CAMTA1: variants seen among roughly 807,000 people sequenced by gnomAD.
CAMTA1 encodes the protein calmodulin binding transcription activator 1, also known as calmodulin-binding transcription activator 1.
CAMTA1 carries 27 observed loss-of-function variants against 170.9 expected under a neutral mutation model. The ratio of observed to expected loss-of-function variants is 0.16; its 90% CI spans 0.12 to 0.22. The LOEUF is 0.22. CAMTA1 is among the 10% of genes least tolerant of loss of function. The pLI, the probability that CAMTA1 is intolerant of heterozygous loss-of-function variation, is 1.00. For synonymous variants in CAMTA1, 833 were observed against 891.5 expected, an observed-to-expected ratio of 0.93 and a Z score of 1.17; for missense variants, 1,619 against 2,217.2, an observed-to-expected ratio of 0.73 and a Z score of 5.42.
At chr1:7,566,703 C>T (rs1008315600) in intron 6 of CAMTA1, among the ~76,000 whole-genome samples, 1 of 152,226 alleles carries the variant, frequency 6.6e-6, no homozygotes, top group Admixed American at 6.5e-5. Context: ...GGCTGTGTCA[C>T]ACTTAGAAGG....
chr1:7,301,778 G>A (rs1367988721), intron 5 of CAMTA1, among the ~76,000 whole-genome samples: 1 of 152,210 alleles, frequency 6.6e-6, no homozygotes, highest in Non-Finnish European at 1.5e-5. Flanking sequence ...CACTTCTCGA[G>A]GGCAGCCTGG....
At chr1:7,026,926 C>A (rs560498025) in intron 3 of CAMTA1, among the ~76,000 whole-genome samples, 1 of 152,274 alleles carries the variant, frequency 6.6e-6, no homozygotes, top group South Asian at 2.1e-4. Context: ...CTGTGTCCGG[C>A]CAGTAGCTGT....
At position 7,664,169 on chromosome 1, in the gene CAMTA1, A is replaced by T; in HGVS notation, c.1622A>T (p.Gln541Leu). Reference sequence around the variant, plus strand: ...AAGACCGAGGACACCTCCTTCGAGCAGCAGATGGCCAAAGAAGCGTACTCC... The same window carrying T: ...AAGACCGAGGACACCTCCTTCGAGCTGCAGATGGCCAAAGAAGCGTACTCC... ...EIKTEDTSFE[Q>L]QMAKEAYSSS... Residue 541 changes from glutamine (Q) to leucine (L), a missense_variant, in exon 9 of 23, where the codon CAG (glutamine) becomes CTG (leucine). By Grantham distance (113) the Gln-to-Leu change is moderately radical (BLOSUM62 -2). Transcript: ENST00000303635. 1 of 1,612,968 alleles carries T rather than the reference A, an allele frequency of 6.2e-7. No homozygotes were observed. Among genetic ancestry groups the T allele is most frequent in the Non-Finnish European group, 8.5e-7 (1 of 1,180,038 alleles).
At chr1:7,645,571 G>C (rs1485994697) in intron 7 of CAMTA1, among the ~76,000 whole-genome samples, 1 of 152,274 alleles carries the variant, frequency 6.6e-6, no homozygotes, top group Non-Finnish European at 1.5e-5. Flanking sequence ...TGGCTGGCCA[G>C]ATGGCCCTGC....
chr1:6,814,814 A>G (rs1645596389), intron 1 of CAMTA1, among the ~76,000 whole-genome samples: 1 of 152,176 alleles, frequency 6.6e-6, no homozygotes, highest in African/African-American at 2.4e-5. Context: ...AGAACGGTAA[A>G]TACACTTTTC....
At chr1:6,871,907 C>T in intron 3 of CAMTA1, 1 of 1,370,538 alleles carries the variant, frequency 7.3e-7, no homozygotes, top group South Asian at 1.8e-5. Flanking sequence ...AACATTTCAT[C>T]TTTCAAAGTG....
intron 3 of CAMTA1, among the ~76,000 whole-genome samples, chr1:7,028,973 T>G (rs1403709897): frequency 6.6e-6 from 1 of 152,104 alleles, no homozygotes; most frequent in Non-Finnish European, 1.5e-5. Context: ...AAGTGGAAAG[T>G]GTTATTGATT....
chr1:7,511,097 G>T lies in CAMTA1; in HGVS notation c.510+43196G>T, dbSNP rs2094196507. ...GCCAGAAACTCAGCACCTGCTACTG[G>T]GTGTCAGCCGAGCCTCCTGGAAGGC... On this transcript the variant is annotated intron_variant, in intron 6 of 22. Coordinates refer to ENST00000303635, the MANE Select transcript of CAMTA1 (RefSeq NM_015215.4). Among the ~76,000 whole-genome samples the T allele has an allele frequency of 1.4e-5, 2 of 145,554 alleles. 1 individual carries two copies. Among genetic ancestry groups the T allele is most frequent in the Admixed American group, 1.4e-4 (2 of 14,548 alleles).
At chr1:7,449,788 A>G (rs1013330174) in intron 5 of CAMTA1, among the ~76,000 whole-genome samples, 1 of 144,114 alleles carries the variant, frequency 6.9e-6, no homozygotes, top group Non-Finnish European at 1.5e-5. Context: ...AAAAAAAAAA[A>G]GAAAGAAAGA....
intron 4 of CAMTA1, among the ~76,000 whole-genome samples, chr1:7,158,467 A>G (rs1159505248): frequency 1.3e-5 from 2 of 152,222 alleles, no homozygotes; most frequent in African/African-American, 4.8e-5. Context: ...GATGTGTCCC[A>G]TGATGCATTT....
chr1:7,715,631 T>C lies in CAMTA1; in HGVS notation c.2915-16817T>C, dbSNP rs76130054. ...TTCACAGAAAGCACCCTTAAGTGTT[T>C]TGCTTTTTTACGTAATCCAAGGGAT... On this transcript the variant is annotated intron_variant, in intron 11 of 22. Coordinates refer to ENST00000303635, the MANE Select transcript of CAMTA1 (RefSeq NM_015215.4). Among the ~76,000 whole-genome samples the C allele has an allele frequency of 1.6e-3, 247 of 152,298 alleles. 1 individual carries two copies. The highest frequency in any genetic ancestry group is 1.5e-3 in the East Asian group (8 of 5,174).
chr1:7,760,719 A>C (rs1003807454), intron 22 of CAMTA1, among the ~76,000 whole-genome samples: 19 of 152,198 alleles, frequency 1.2e-4, no homozygotes, highest in African/African-American at 4.6e-4. Flanking sequence ...AGATTTCTGG[A>C]AAATGGCAAG....
chr1:7,032,961 T>C (rs1703009045), intron 3 of CAMTA1, among the ~76,000 whole-genome samples: 1 of 151,330 alleles, frequency 6.6e-6, no homozygotes, highest in African/African-American at 2.4e-5. Context: ...AATGCATCCA[T>C]TTCCTGTGGC....
intron 3 of CAMTA1, among the ~76,000 whole-genome samples, chr1:6,983,799 TGATG>T (rs903373458): frequency 1.1e-3 from 156 of 147,500 alleles, no homozygotes; most frequent in Non-Finnish European, 1.8e-3. Flanking sequence ...GATAGATGGT[TGATG>T]GATGGATGGA....
At position 6,918,060 on chromosome 1, in the gene CAMTA1, T is replaced by A. The variant is rs1008073212; in HGVS notation, c.234+92850T>A. ...TCTAGAAGGCCCCAAATGCCCAAGT[T>A]CTTGGGCCTTGCTTGCTTGTCTCTA... On this transcript the variant is annotated intron_variant, in intron 3 of 22. Coordinates refer to ENST00000303635, the MANE Select transcript of CAMTA1 (RefSeq NM_015215.4). The surrounding 1 kb of genome is among the most constrained non-coding windows in gnomAD (Gnocchi z 4.0). Among the ~76,000 whole-genome samples the A allele has an allele frequency of 1.3e-5, 2 of 152,080 alleles. No individual in the cohort carries two copies. The highest frequency in any genetic ancestry group is 4.8e-5 in the African/African-American group (2 of 41,386).
At chr1:7,444,838 G>C (rs987334934) in intron 5 of CAMTA1, among the ~76,000 whole-genome samples, 2 of 152,212 alleles carry the variant, frequency 1.3e-5, no homozygotes, top group African/African-American at 4.8e-5. Context: ...AAGACATACA[G>C]GTTCAAAGAC....
intron 9 of CAMTA1, among the ~76,000 whole-genome samples, chr1:7,666,872 G>GTTGTTTTGTT (rs199791433): frequency 1.3e-3 from 193 of 151,726 alleles, no homozygotes; most frequent in Middle Eastern, 3.4e-3. Context: ...CCCTGCTGTT[G>GTTGTTTTGTT]TTGTTTTGTT....
At chr1:7,414,190 T>A (rs1255960834) in intron 5 of CAMTA1, among the ~76,000 whole-genome samples, 1 of 152,244 alleles carries the variant, frequency 6.6e-6, no homozygotes, top group Non-Finnish European at 1.5e-5. Context: ...TGCATCAATG[T>A]TCATCAAGGA....
Position 7,127,247 on chromosome 1 carries a change from C to CTTTT in CAMTA1, c.302+35896_302+35899dup, listed in dbSNP as rs61211407. ...AGGGGTGAAGGGAAGGCCAGAGGGG[C>CTTTT]TTTTTTTTTTTTTTTTTTTTTTTGC... is the stretch of plus-strand genomic sequence containing the variant. On this transcript the variant is annotated intron_variant, in intron 4 of 22. Transcript: ENST00000303635. 3.6e-3 allele frequency among the ~76,000 whole-genome samples: 264 copies of CTTTT among 73,484 alleles called. 7 individuals carry two copies. The highest frequency in any genetic ancestry group is 0.032 in the Middle Eastern group (2 of 62). The allele number at this position is 73,484 out of a possible 152,430, so 48.2% of individuals were successfully genotyped here.
Sources: gnomAD v4.1 joint callset for allele counts (sites outside exome capture counted in the v4.1 genomes callset) on GRCh38, gnomAD v4.1.1 for gene constraint, Gnocchi (gnomAD v3.1) non-coding constraint, MANE v1.5 for transcripts, NCBI Gene and HGNC (gene_info 2026-07-23, HGNC 2026-07-21) for gene names.